NFATC1: variants seen among roughly 807,000 people sequenced by gnomAD.
The protein encoded by NFATC1 is nuclear factor of activated T-cells, cytoplasmic 1.
In NFATC1, 22 loss-of-function variants were observed where a neutral mutation model predicts 76.0. That is an observed-to-expected ratio of 0.29 (90% confidence interval 0.21 to 0.41). The LOEUF (loss-of-function observed/expected upper bound fraction) is 0.41. Ranked by LOEUF, NFATC1 falls within the 10% of genes least tolerant of loss-of-function variation. The probability of loss-of-function intolerance (pLI) is 1.00; values close to 1 mark genes in which losing one functional copy is unlikely to be tolerated. For missense variants in NFATC1, 1,357 were observed against 1,337.7 expected (o/e 1.01, Z -0.23); for synonymous variants, 704 against 613.1 (o/e 1.15, Z -2.19).
At chr18:79,487,816 C>T (rs1448418897) in intron 9 of NFATC1, among the ~76,000 whole-genome samples, 5 of 151,988 alleles carry the variant, frequency 3.3e-5, no homozygotes, top group South Asian at 4.1e-4. Context: ...TTTGTGTGCG[C>T]GTTGTGATCG....
intron 9 of NFATC1, among the ~76,000 whole-genome samples, chr18:79,491,804 G>C (rs1357627623): frequency 6.6e-6 from 1 of 152,194 alleles, no homozygotes. Flanking sequence ...GCCAGCGTCT[G>C]GGATGTCCTC....
intron 9 of NFATC1, among the ~76,000 whole-genome samples, chr18:79,491,004 T>C (rs1255246847): frequency 5.3e-5 from 8 of 151,842 alleles, no homozygotes; most frequent in Non-Finnish European, 5.9e-5. Context: ...GGGGTGTACC[T>C]GGGGACCGTC....
intron 7 of NFATC1, among the ~76,000 whole-genome samples, chr18:79,464,857 T>C (rs900922229): frequency 4.6e-5 from 7 of 151,442 alleles, no homozygotes; most frequent in African/African-American, 1.7e-4. Flanking sequence ...AAGTGTGCCC[T>C]ATTCTGCCCA....
intron 9 of NFATC1, among the ~76,000 whole-genome samples, chr18:79,520,764 C>T (rs2090516909): frequency 1.5e-5 from 1 of 68,832 alleles, no homozygotes; most frequent in African/African-American, 6.4e-5. Flanking sequence ...AGGAGGGGAG[C>T]ATCCACTGAT....
At chr18:79,443,660 T>C (rs1375848213) in intron 3 of NFATC1, among the ~76,000 whole-genome samples, 1 of 152,232 alleles carries the variant, frequency 6.6e-6, no homozygotes, top group Non-Finnish European at 1.5e-5. Flanking sequence ...TCTGCCTCGG[T>C]TCCTGCCGGG....
In NFATC1 at chr18:79,396,163, G is replaced by A. The variant is rs2084995418; in HGVS notation, c.-62G>A. ...TTCCCGGAGACCCGACCCCGGCAGC[G>A]CGGGGCGGCCGCTTCTCCTGTGCCT... On this transcript the variant is annotated 5_prime_UTR_variant, in exon 1 of 10. Transcript: ENST00000427363. 8 of 1,377,742 alleles carry A rather than the reference G, an allele frequency of 5.8e-6. No individual in the cohort carries two copies. The highest frequency in any genetic ancestry group is 7.6e-6 in the Non-Finnish European group (8 of 1,051,978). 85.3% of individuals were successfully genotyped at this position (1,377,742 alleles called of 1,614,324 possible). A position where few individuals can be genotyped will look rare whatever the true frequency, so the allele number is the denominator to read the frequency against.
rs2087333570 is a variant in NFATC1 at position 79,448,889 on chromosome 18, A to T, written c.1494A>T (p.Thr498=). 2 of 1,613,618 alleles carry T rather than the reference A, an allele frequency of 1.2e-6. No homozygotes were observed. Among genetic ancestry groups the T allele is most frequent in the African/African-American group, 2.7e-5 (2 of 74,948 alleles). ...PHAFYQVHRI[T]GKTVSTTSHE... ...CCTTCTACCAGGTGCACCGCATCAC[A>T]GGGAAGACCGTGTCCACCACCAGCC... The change falls in exon 4 of 10, where the codon ACA becomes ACT. Residue 498 remains threonine (T), a synonymous_variant. Coordinates refer to ENST00000427363, the MANE Select transcript of NFATC1 (RefSeq NM_001278669.2).
intron 9 of NFATC1, among the ~76,000 whole-genome samples, chr18:79,498,769 G>A (rs1431665554): frequency 6.6e-6 from 1 of 152,226 alleles, no homozygotes; most frequent in Non-Finnish European, 1.5e-5. Context: ...CGAAAGCAGT[G>A]AGAGGAAAAC....
intron 6 of NFATC1, among the ~76,000 whole-genome samples, chr18:79,455,472 G>C (rs1424867829): frequency 6.6e-6 from 1 of 152,192 alleles, no homozygotes; most frequent in Non-Finnish European, 1.5e-5. Context: ...AGGCGGCCGG[G>C]GCTCCCGGGA....
intron 8 of NFATC1, among the ~76,000 whole-genome samples, chr18:79,479,729 C>T (rs1461538390): frequency 6.6e-6 from 1 of 152,244 alleles, no homozygotes; most frequent in East Asian, 1.9e-4. Flanking sequence ...CATTCTGAAA[C>T]GTCCCCTGTG....
intron 3 of NFATC1, among the ~76,000 whole-genome samples, chr18:79,441,065 G>A (rs1243711715): frequency 2.0e-5 from 3 of 152,146 alleles, no homozygotes; most frequent in Admixed American, 1.3e-4. Context: ...CAGCACAGAT[G>A]GCCCCTGGGC....
intron 7 of NFATC1, among the ~76,000 whole-genome samples, chr18:79,466,639 C>T (rs780022050): frequency 3.5e-4 from 53 of 152,248 alleles, no homozygotes; most frequent in Admixed American, 3.1e-3. Context: ...CGGCAGCCTC[C>T]ACACGCCGCC....
chr18:79,444,558 G>T (rs373501323), intron 3 of NFATC1, among the ~76,000 whole-genome samples: 12 of 152,216 alleles, frequency 7.9e-5, no homozygotes, highest in African/African-American at 2.7e-4. Flanking sequence ...AGGGCAGGGC[G>T]TCCGGCAGAT....
intron 1 of NFATC1, among the ~76,000 whole-genome samples, chr18:79,397,760 C>CA (rs1338451833): frequency 6.6e-6 from 1 of 152,106 alleles, no homozygotes; most frequent in East Asian, 1.9e-4. Context: ...CCTGAAGAGC[C>CA]GGTGGCCGAC....
intron 8 of NFATC1, among the ~76,000 whole-genome samples, chr18:79,484,557 G>A (rs894353632): frequency 8.5e-5 from 13 of 152,204 alleles, no homozygotes; most frequent in Non-Finnish European, 1.6e-4. Flanking sequence ...CAGGGCGGAC[G>A]CTTTAAACCT....
chr18:79,397,289 C>G (rs919056902), intron 1 of NFATC1, among the ~76,000 whole-genome samples: 4 of 152,236 alleles, frequency 2.6e-5, no homozygotes, highest in African/African-American at 9.6e-5. Context: ...CTTACCAGCT[C>G]TGAAATATTT....
Position 79,424,815 on chromosome 18 carries a change from GTC to G in NFATC1, c.1227-8758_1227-8757del, listed in dbSNP as rs1230645986. Reference sequence around the variant, plus strand: ...TGACTCTCTGTGTCTGTCTGTCTCTGTCTCTCTGTCTCTCTCCATCTCTGTCT... The same window carrying G: ...TGACTCTCTGTGTCTGTCTGTCTCTGTCTCTGTCTCTCTCCATCTCTGTCT... On this transcript the variant is annotated intron_variant, in intron 2 of 9. Transcript: ENST00000427363. Among the ~76,000 whole-genome samples, 14 of 107,136 alleles carry G rather than the reference GTC, an allele frequency of 1.3e-4. No homozygotes were observed. The South Asian group carries it at 2.8e-3, about 21-fold the overall frequency. The allele number at this position is 107,136 out of a possible 152,430, so 70.3% of individuals were successfully genotyped here.
chr18:79,424,505 G>A (rs533057030), intron 2 of NFATC1, among the ~76,000 whole-genome samples: 4 of 151,512 alleles, frequency 2.6e-5, no homozygotes, highest in Admixed American at 1.3e-4. Flanking sequence ...GTCTCTCTCC[G>A]TCTCTGTCTG....
At chr18:79,423,349 G>A (rs1170437217) in intron 2 of NFATC1, among the ~76,000 whole-genome samples, 5 of 152,218 alleles carry the variant, frequency 3.3e-5, no homozygotes, top group Non-Finnish European at 4.4e-5. Flanking sequence ...TGGCAGGGCC[G>A]CAGCTGTGGC....
Sources: gnomAD v4.1 joint callset for allele counts (sites outside exome capture counted in the v4.1 genomes callset) on GRCh38, gnomAD v4.1.1 for gene constraint, MANE v1.5 for transcripts, NCBI Gene and HGNC (gene_info 2026-07-23, HGNC 2026-07-21) for gene names.